The following RIOX2 variants were observed in gnomAD, a reference collection of about 807,000 sequenced individuals.
The protein encoded by RIOX2 is ribosomal oxygenase 2.
Under a neutral mutation model 51.2 loss-of-function variants are expected in RIOX2, and 43 were observed. The ratio of observed to expected loss-of-function variants is 0.84; its 90% confidence interval spans 0.66 to 1.08. The LOEUF (loss-of-function observed/expected upper bound fraction) is 1.08, where lower values mean the gene tolerates loss of function less well. RIOX2 is among the 50% of genes least tolerant of loss of function. RIOX2 has a pLI of 0.00. For missense variants in RIOX2, 566 were observed against 561.7 expected, an observed-to-expected ratio of 1.01 and a Z score of -0.08; for synonymous variants, 226 against 218.5, an observed-to-expected ratio of 1.03 and a Z score of -0.30.
chr3:97,961,745 G>A, intron 2 of RIOX2, 37 bp from the exon 3 acceptor site: 1 of 1,551,594 alleles, frequency 6.4e-7, no homozygotes, highest in East Asian at 2.3e-5. Context: ...GTCGGCGTGG[G>A]GGAGTGAAAA....
chr3:97,971,016 G>A (rs1706108679), intron 1 of RIOX2, among the ~76,000 whole-genome samples: 1 of 152,186 alleles, frequency 6.6e-6, no homozygotes, highest in Non-Finnish European at 1.5e-5. Context: ...TCTTTTGTCT[G>A]TATACAATTT....
rs1705175113 is a variant in RIOX2 at position 97,949,838 on chromosome 3, C to T, written c.1060+6G>A. ...TGACCACCCAGAAGAAAACAGCAAG[C>T]TCCACCTGGTGTTGACAGCTCTGCC... On this transcript the variant is annotated splice_donor_region_variant and intron_variant, in intron 7 of 9. Coordinates refer to ENST00000394198, the MANE Select transcript of RIOX2 (RefSeq NM_153182.4). The T allele has an allele frequency of 1.9e-6, 3 of 1,612,628 alleles. No individual in the cohort carries two copies. The highest frequency in any genetic ancestry group is 2.2e-5 in the East Asian group (1 of 44,884).
At chr3:97,953,372 C>A (rs186248338) in intron 5 of RIOX2, among the ~76,000 whole-genome samples, 1 of 152,134 alleles carries the variant, frequency 6.6e-6, no homozygotes, top group African/African-American at 2.4e-5. Flanking sequence ...CACATTAACT[C>A]ATGACTAGTA....
At chr3:97,955,450 C>T (rs1322999987) in intron 4 of RIOX2, among the ~76,000 whole-genome samples, 1 of 151,792 alleles carries the variant, frequency 6.6e-6, no homozygotes, top group Non-Finnish European at 1.5e-5. Context: ...TCTGCAACTA[C>T]AAGAGGTAGT....
chr3:97,945,767 G>A lies in RIOX2; in HGVS notation c.1239+31C>T, dbSNP rs200248068. 34 of 1,503,554 alleles carry A rather than the reference G, an allele frequency of 2.3e-5. No homozygotes were observed. In the East Asian group the frequency reaches 6.3e-4, roughly 28 times the overall value. 93.1% of individuals were successfully genotyped at this position (1,503,554 alleles called of 1,614,324 possible). A position where few individuals can be genotyped will look rare whatever the true frequency, so the allele number is the denominator to read the frequency against. On this transcript the variant is annotated intron_variant, in intron 9 of 9. Transcript: ENST00000394198. ...CTTCCCAACCACCACCCAAGTCACA[G>A]GATAGGCATTTGTTTTCAGTTGAAA...
At position 97,959,053 on chromosome 3, in the gene RIOX2, T is replaced by G. The variant is rs55907650; in HGVS notation, c.679A>C (p.Lys227Gln). The G allele has an allele frequency of 0.012, 19,543 of 1,610,752 alleles. 162 individuals are homozygous for G. The highest frequency in any genetic ancestry group is 0.014 in the Non-Finnish European group (17,086 of 1,178,426). Reference protein sequence around the residue: ...IGRPVHEFMLKPGDLLYFPRG... With the variant: ...IGRPVHEFMLQPGDLLYFPRG... ...TGCCCACAACGGTTATCACATACCT[T>G]CAGCATAAACTCATGCACCGGCCTG... Residue 227 changes from lysine (K) to glutamine (Q), a missense_variant and splice_region_variant, in exon 4 of 10, where the codon AAG becomes CAG. Physicochemically the swap from Lys to Gln is moderately conservative, Grantham distance 53 (BLOSUM62 1). Transcript: ENST00000394198.
rs1326878535 is a variant in RIOX2 at position 97,964,724 on chromosome 3, A to G, written c.432+2438T>C. 2.8e-5 allele frequency among the ~76,000 whole-genome samples: 4 copies of G among 141,640 alleles called. No individual in the cohort carries two copies. In the South Asian group the frequency reaches 9.2e-4, roughly 32 times the overall value. The allele number at this position is 141,640 out of a possible 152,430, so 92.9% of individuals were successfully genotyped here. A position where few individuals can be genotyped will look rare whatever the true frequency, so the allele number is the denominator to read the frequency against. Reference sequence around the variant, plus strand: ...AAAAAAAAAAAAAAAAAAAAAAAGAAGGAAAGAAAAAAAAGAAAATGGAAC... The same window carrying G: ...AAAAAAAAAAAAAAAAAAAAAAAGAGGGAAAGAAAAAAAAGAAAATGGAAC... On this transcript the variant is annotated intron_variant, in intron 2 of 9. Coordinates refer to ENST00000394198, the MANE Select transcript of RIOX2 (RefSeq NM_153182.4).
chr3:97,951,771 CAT>C (rs1705265259), intron 5 of RIOX2, among the ~76,000 whole-genome samples: 1 of 152,190 alleles, frequency 6.6e-6, no homozygotes, highest in Admixed American at 6.5e-5. Flanking sequence ...ACAAAAGCCA[CAT>C]GAGAGACACT....
chr3:97,949,087 G>C (rs1705126815), intron 7 of RIOX2, among the ~76,000 whole-genome samples: 1 of 152,102 alleles, frequency 6.6e-6, no homozygotes, highest in Non-Finnish European at 1.5e-5. Context: ...TGATTTGGAT[G>C]TTTGTCCCAT....
rs753489865 is a variant in RIOX2, at chr3:97,967,546, C to G, written c.48G>C (p.Pro16=). 4 of 1,611,758 alleles carry G rather than the reference C, an allele frequency of 2.5e-6. No homozygotes were observed. The highest frequency in any genetic ancestry group is 3.4e-6 in the Non-Finnish European group (4 of 1,179,254). Residue 16 remains proline (P), a synonymous_variant, in exon 2 of 10, where the codon CCG becomes CCC. Coordinates refer to ENST00000394198, the MANE Select transcript of RIOX2 (RefSeq NM_153182.4). ...CTAACTTCATCTGCTTACAGGGAGC[C>G]GGCCCCTCTTCCTTCCCACTCCCTG... ...KPTGSGKEEG[P]APCKQMKLEA... is the part of the protein sequence containing the mutation.
chr3:97,950,793 A>G lies in RIOX2; in HGVS notation c.881T>C (p.Leu294Pro), dbSNP rs144014508. The change falls in exon 6 of 10, where the codon CTG (leucine) becomes CCG (proline). Residue 294 changes from leucine to proline, a missense_variant. By Grantham distance (98) the Leu-to-Pro change is moderately conservative. Coordinates refer to ENST00000394198, the MANE Select transcript of RIOX2 (RefSeq NM_153182.4). Reference sequence around the variant, plus strand: ...CCTGCCTTTACTCCTTACCAGGAGCAGCTGCCGGGGTATGCCGGTCCGTAA... The same window carrying G: ...CCTGCCTTTACTCCTTACCAGGAGCGGCTGCCGGGGTATGCCGGTCCGTAA... ...VELRTGIPRQ[L>P]LLQVESTTVA... 144 of 1,613,466 alleles carry G rather than the reference A, an allele frequency of 8.9e-5. No individual in the cohort carries two copies. Among genetic ancestry groups the G allele is most frequent in the Non-Finnish European group, 1.1e-4 (134 of 1,179,588 alleles).
At chr3:97,947,324 T>G in intron 8 of RIOX2, 37 bp downstream of exon 8, 1 of 1,540,438 alleles carries the variant, frequency 6.5e-7, no homozygotes, top group Non-Finnish European at 8.9e-7. Context: ...AAAAACACCC[T>G]GAGAAGACAG....
At chr3:97,953,292 C>T (rs1251994601) in intron 5 of RIOX2, among the ~76,000 whole-genome samples, 4 of 152,198 alleles carry the variant, frequency 2.6e-5, no homozygotes, top group Non-Finnish European at 4.4e-5. Flanking sequence ...TATAAGCTCT[C>T]TCAAAACCCC....
At chr3:97,951,636 G>A (rs1050663669) in intron 5 of RIOX2, among the ~76,000 whole-genome samples, 39 of 152,198 alleles carry the variant, frequency 2.6e-4, no homozygotes, top group African/African-American at 8.4e-4. Flanking sequence ...ATTTTCCTGT[G>A]TCACCAGCAG....
intron 1 of RIOX2, among the ~76,000 whole-genome samples, chr3:97,970,598 C>T (rs1442299943): frequency 2.0e-5 from 3 of 152,164 alleles, no homozygotes; most frequent in African/African-American, 7.2e-5. Context: ...AATGCTTTGT[C>T]TAGAATAGTA....
At position 97,943,186 on chromosome 3, in the gene RIOX2, C is replaced by A; in HGVS notation, c.*1998G>T. Reference sequence around the variant, plus strand: ...AAATTGTGAAATTGCTAAGCACCTGCCTGAACAAATAATCTTTTCTTTTGG... The same window carrying A: ...AAATTGTGAAATTGCTAAGCACCTGACTGAACAAATAATCTTTTCTTTTGG... On this transcript the variant is annotated 3_prime_UTR_variant, in exon 10 of 10. Transcript: ENST00000394198. The A allele has an allele frequency of 8.5e-7, 1 of 1,182,584 alleles. No homozygotes were observed. The highest frequency in any genetic ancestry group is 1.5e-5 in the African/African-American group (1 of 65,138). 73.3% of individuals were successfully genotyped at this position (1,182,584 alleles called of 1,614,324 possible). A position where few individuals can be genotyped will look rare whatever the true frequency, so the allele number is the denominator to read the frequency against.
chr3:97,942,270 C>A lies in RIOX2; in HGVS notation c.*2914G>T. The A allele has an allele frequency of 6.3e-7, 1 of 1,593,582 alleles. No individual in the cohort carries two copies. Among genetic ancestry groups the A allele is most frequent in the Non-Finnish European group, 8.6e-7 (1 of 1,167,744 alleles). On this transcript the variant is annotated 3_prime_UTR_variant, in exon 10 of 10. Transcript: ENST00000394198. ...ACATACTACTGCCAATTAATCATTT[C>A]TTAACCCTTTTAGGCCAGTGATACA...
rs2040260263 is a variant in RIOX2, at chr3:97,942,788, A to G, written c.*2396T>C. The G allele has an allele frequency of 4.5e-6, 1 of 223,938 alleles. No homozygotes were observed. The highest frequency in any genetic ancestry group is 1.1e-4 in the South Asian group (1 of 8,922). The allele number at this position is 223,938 out of a possible 1,614,324, so 13.9% of individuals were successfully genotyped here. On this transcript the variant is annotated 3_prime_UTR_variant, in exon 10 of 10. Coordinates refer to ENST00000394198, the MANE Select transcript of RIOX2 (RefSeq NM_153182.4). ...TTGCCAGGAATTGCCATGGTCCTTA[A>G]AAACCCTCAGGTAGAATTTATGGTA... is the stretch of plus-strand genomic sequence containing the variant.
In RIOX2 at chr3:97,959,108, C is replaced by G. The variant is rs1159716111; in HGVS notation, c.624G>C (p.Glu208Asp). 2.5e-6 allele frequency: 4 copies of G among 1,614,036 alleles called. No individual in the cohort carries two copies. Among genetic ancestry groups the G allele is most frequent in the Non-Finnish European group, 3.4e-6 (4 of 1,179,956 alleles). Residue 208 changes from glutamate (E) to aspartate (D), a missense_variant, in exon 4 of 10, where the codon GAG (glutamate) becomes GAC (aspartate). By Grantham distance (45) the Glu-to-Asp change is conservative. Transcript: ENST00000394198. ...TCCTTTCCTCGGCCTCCACGCTGTA[C>G]TCTCGTGCCAGGGGCACAGTGGGGT... ...LYHPTVPLAR[E>D]YSVEAEERIG...
Sources: allele counts gnomAD v4.1 joint callset (sites outside exome capture counted in the v4.1 genomes callset), GRCh38; gene constraint gnomAD v4.1.1; transcripts MANE v1.5; gene names NCBI Gene and HGNC (gene_info 2026-07-23, HGNC 2026-07-21).